The following BRSK2 variants were observed in gnomAD, a reference collection of about 807,000 sequenced individuals.
The protein encoded by BRSK2 is serine/threonine-protein kinase BRSK2.
In BRSK2, 19 loss-of-function variants were observed where a neutral mutation model predicts 83.3. The ratio of observed to expected loss-of-function variants is 0.23; its 90% CI spans 0.16 to 0.33. The LOEUF (loss-of-function observed/expected upper bound fraction) is 0.33. Ranked by LOEUF, BRSK2 falls within the 10% of genes least tolerant of loss-of-function variation. The probability of loss-of-function intolerance (pLI) is 1.00; values close to 1 mark genes in which losing one functional copy is unlikely to be tolerated. For missense variants in BRSK2, 798 were observed against 1,042.3 expected (o/e 0.77, Z 3.23); for synonymous variants, 519 against 435.4 (o/e 1.19, Z -2.39).
chr11:1,417,394 A>G (rs116211315), intron 1 of BRSK2, among the ~76,000 whole-genome samples: 35 of 152,334 alleles, frequency 2.3e-4, no homozygotes, highest in African/African-American at 8.4e-4. Context: ...CCACTGAATT[A>G]ATTTCGTTCA....
At chr11:1,428,017 G>C (rs1849452036) in intron 1 of BRSK2, among the ~76,000 whole-genome samples, 1 of 152,180 alleles carries the variant, frequency 6.6e-6, no homozygotes, top group South Asian at 2.1e-4. Flanking sequence ...CCTCTATGCT[G>C]GGCTCTGAGG....
intron 1 of BRSK2, 92 bp from the exon 2 acceptor site, chr11:1,435,948 C>A: frequency 1.1e-6 from 1 of 926,634 alleles, no homozygotes; most frequent in African/African-American, 1.7e-5. Flanking sequence ...CTGTCCAGGA[C>A]GTGGGAGGAG....
At chr11:1,453,305 A>G (rs1166220695) in intron 15 of BRSK2, among the ~76,000 whole-genome samples, 1 of 152,166 alleles carries the variant, frequency 6.6e-6, no homozygotes, top group Non-Finnish European at 1.5e-5. Context: ...TCTTTCACAC[A>G]TGGGACTATT....
intron 1 of BRSK2, 22 bp from the exon 2 acceptor site, chr11:1,436,018 C>T (rs374388843): frequency 6.2e-5 from 98 of 1,587,728 alleles, no homozygotes; most frequent in Admixed American, 3.9e-4. Flanking sequence ...TGGGTCTGAG[C>T]GCGGCTGCTT....
chr11:1,459,163 C>T (rs1203824094), intron 18 of BRSK2, 29 bp from the exon 19 acceptor site: 1 of 1,612,388 alleles, frequency 6.2e-7, no homozygotes, highest in Non-Finnish European at 8.5e-7. Context: ...CACTCACTCC[C>T]TCCCTCCTCT....
chr11:1,400,870 C>T (rs910821371), intron 1 of BRSK2, among the ~76,000 whole-genome samples: 7 of 152,244 alleles, frequency 4.6e-5, no homozygotes, highest in African/African-American at 1.4e-4. Context: ...CCAGGCTCCT[C>T]GTGGTGCTGG....
chr11:1,418,659 AG>A (rs1229416492), intron 1 of BRSK2, among the ~76,000 whole-genome samples: 32 of 152,016 alleles, frequency 2.1e-4, no homozygotes, highest in African/African-American at 7.5e-4. Context: ...TTCTCTTTGG[AG>A]GGGGTCCCAT....
chr11:1,395,306 G>T (rs1846000470), intron 1 of BRSK2, among the ~76,000 whole-genome samples: 1 of 152,202 alleles, frequency 6.6e-6, no homozygotes, highest in African/African-American at 2.4e-5. Flanking sequence ...AGCATGGTGG[G>T]TAGCCCTCCC....
intron 2 of BRSK2, among the ~76,000 whole-genome samples, chr11:1,436,780 G>A (rs550399730): frequency 3.3e-5 from 5 of 152,188 alleles, no homozygotes; most frequent in Admixed American, 1.3e-4. Context: ...GGGGCCAGTC[G>A]AGCCCCCTCC....
intron 16 of BRSK2, among the ~76,000 whole-genome samples, chr11:1,455,624 C>T (rs954070449): frequency 2.0e-5 from 3 of 152,072 alleles, no homozygotes; most frequent in African/African-American, 7.2e-5. Context: ...GCACTTGGAC[C>T]CTGGCCTCAG....
At chr11:1,450,061 C>A (rs573805438) in intron 13 of BRSK2, among the ~76,000 whole-genome samples, 1 of 152,270 alleles carries the variant, frequency 6.6e-6, no homozygotes, top group South Asian at 2.1e-4. Context: ...CACTTCTTTT[C>A]TTTTGTGGCT....
chr11:1,450,550 G>T, intron 13 of BRSK2, 37 bp from the exon 14 acceptor site: 1 of 1,255,678 alleles, frequency 8.0e-7, no homozygotes, highest in Non-Finnish European at 1.1e-6. Flanking sequence ...CACCCGCCGG[G>T]ATTGAACCAA....
Position 1,397,606 on chromosome 11 carries a change from C to T in BRSK2, c.91+7231C>T, listed in dbSNP as rs553371936. 9.9e-5 allele frequency among the ~76,000 whole-genome samples: 15 copies of T among 152,278 alleles called. No individual in the cohort carries two copies. The South Asian group carries it at 2.5e-3, about 25-fold the overall frequency. ...TGCAGGCTGGGCCTGGCTTCCTCCCCGAACCCTGGAGAGTGACAGCACCAC... is the reference window on the plus strand; with the variant it reads ...TGCAGGCTGGGCCTGGCTTCCTCCCTGAACCCTGGAGAGTGACAGCACCAC... On this transcript the variant is annotated intron_variant, in intron 1 of 19. Coordinates refer to ENST00000528841, the MANE Select transcript of BRSK2 (RefSeq NM_001256627.2).
intron 1 of BRSK2, among the ~76,000 whole-genome samples, chr11:1,391,177 G>A (rs1452044067): frequency 6.6e-6 from 1 of 152,256 alleles, no homozygotes; most frequent in Non-Finnish European, 1.5e-5. Context: ...CGGCCCGCTG[G>A]GTTTGGCTAG....
At chr11:1,435,819 G>A (rs1236912689) in intron 1 of BRSK2, among the ~76,000 whole-genome samples, 1 of 151,878 alleles carries the variant, frequency 6.6e-6, no homozygotes, top group Non-Finnish European at 1.5e-5. Flanking sequence ...GAAGCCCAAA[G>A]GGCCGGCGTG....
intron 1 of BRSK2, among the ~76,000 whole-genome samples, chr11:1,395,955 C>G (rs1401038746): frequency 6.6e-6 from 1 of 152,182 alleles, no homozygotes; most frequent in East Asian, 1.9e-4. Context: ...AGGTTGGCCT[C>G]TAGGCTTCAA....
chr11:1,401,470 C>G (rs959665153), intron 1 of BRSK2, among the ~76,000 whole-genome samples: 1 of 152,174 alleles, frequency 6.6e-6, no homozygotes, highest in African/African-American at 2.4e-5. Flanking sequence ...CGCTCAGGAG[C>G]CCCTGGGACC....
rs2134022735 is a variant in BRSK2, at chr11:1,396,239, C to CCTCGA, written c.91+5864_91+5865insCTCGA. On this transcript the variant is annotated intron_variant, in intron 1 of 19. Coordinates refer to ENST00000528841, the MANE Select transcript of BRSK2 (RefSeq NM_001256627.2). ...CCTGGTCCCTCTTCCCTTCCACCCA[C>CCTCGA]GTCCCCCACTCCTGGTCCCTCTTCC... Among the ~76,000 whole-genome samples, 2 of 134,558 alleles carry CCTCGA rather than the reference C, an allele frequency of 1.5e-5. 1 individual carries two copies. The highest frequency in any genetic ancestry group is 6.2e-5 in the African/African-American group (2 of 32,082). 88.3% of individuals were successfully genotyped at this position (134,558 alleles called of 152,430 possible). A position where few individuals can be genotyped will look rare whatever the true frequency, so the allele number is the denominator to read the frequency against.
Position 1,436,129 on chromosome 11 carries a change from A to G in BRSK2, c.181A>G (p.Met61Val). 1 of 1,169,698 alleles carries G rather than the reference A, an allele frequency of 8.5e-7. No homozygotes were observed. The highest frequency in any genetic ancestry group is 1.2e-6 in the Non-Finnish European group (1 of 861,594). The allele number at this position is 1,169,698 out of a possible 1,614,324, so 72.5% of individuals were successfully genotyped here. The change falls in exon 2 of 20, where the codon ATG becomes GTG. Residue 61 changes from methionine (M) to valine (V), a missense_variant. By Grantham distance (21) the Met-to-Val change is conservative. Transcript: ENST00000528841. ...TGAGAAGCTCAGCGAGTCGGTGCTG[A>G]TGAAGGTGGGTGGGGCCGGGGAGGG... is the stretch of plus-strand genomic sequence containing the variant. ...NREKLSESVL[M>V]KVEREIAILK...
Sources: gnomAD v4.1 joint callset for allele counts (sites outside exome capture counted in the v4.1 genomes callset) on GRCh38, gnomAD v4.1.1 for gene constraint, MANE v1.5 for transcripts, NCBI Gene and HGNC (gene_info 2026-07-23, HGNC 2026-07-21) for gene names.